Variants in STAT4 observed in about 807,000 individuals in gnomAD.
STAT4 encodes signal transducer and activator of transcription 4.
A neutral mutation model predicts 110.5 loss-of-function variants in STAT4; 42 were observed. The ratio of observed to expected loss-of-function variants is 0.38; its 90% CI spans 0.30 to 0.49. The LOEUF is 0.49. Among genes scored for constraint, STAT4 ranks in the 20% least tolerant of loss-of-function variants. The pLI is 0.95. For missense variants in STAT4, 632 were observed against 887.9 expected (o/e 0.71, Z 3.66); for synonymous variants, 284 against 302.2 (o/e 0.94, Z 0.63).
upstream of STAT4, chr2:191,151,096 T>TC (rs1281001496): frequency 1.0e-5 from 10 of 985,352 alleles, no homozygotes; most frequent in African/African-American, 3.5e-5. This position sits in a 1 kb window ranked among gnomAD's most constrained non-coding sequence, Gnocchi z 4.7. Context: ...GCGTCAGTGT[T>TC]CGAGTCTCTG....
At chr2:191,128,565 A>G (rs1311110518) in intron 3 of STAT4, among the ~76,000 whole-genome samples, 1 of 152,214 alleles carries the variant, frequency 6.6e-6, no homozygotes, top group Non-Finnish European at 1.5e-5. Context: ...ACTAAACAAG[A>G]AGGAACTCAC....
At position 191,066,754 on chromosome 2, in the gene STAT4, GTGTTT is replaced by G. The variant is rs111956440; in HGVS notation, c.545-244_545-240del. Among the ~76,000 whole-genome samples, 79 of 152,292 alleles carry G rather than the reference GTGTTT, an allele frequency of 5.2e-4. No homozygotes were observed. Among genetic ancestry groups the G allele is most frequent in the African/African-American group, 1.8e-3 (76 of 41,576 alleles). ...TTCAGGAAAAACCATTCTGCACTGG[GTGTTT>G]TGTTTTGTTTTGTTTTGGTGGTGGT... On this transcript the variant is annotated intron_variant, in intron 6 of 23. Coordinates refer to ENST00000392320, the MANE Select transcript of STAT4 (RefSeq NM_003151.4). The surrounding 1 kb of genome is among the most constrained non-coding windows in gnomAD (Gnocchi z 4.3).
At chr2:191,118,674 T>A (rs755140439) in intron 3 of STAT4, among the ~76,000 whole-genome samples, 39 of 152,218 alleles carry the variant, frequency 2.6e-4, no homozygotes, top group Non-Finnish European at 4.7e-4. Context: ...ACAATGATCT[T>A]TCTTGAATGT....
At position 191,100,000 on chromosome 2, in the gene STAT4, G is replaced by A. The variant is rs1408909142; in HGVS notation, c.274-23675C>T. On this transcript the variant is annotated intron_variant, in intron 3 of 23. Transcript: ENST00000392320. This position sits in a 1 kb window ranked among gnomAD's most constrained non-coding sequence, Gnocchi z 4.1. The stretch of plus-strand genomic sequence containing the variant: ...ATCATTTGACTTTTTACAAAGATTT[G>A]CATTATTTAAGCAATCAGAAAGAAA... 2.0e-5 allele frequency among the ~76,000 whole-genome samples: 3 copies of A among 151,802 alleles called. No individual in the cohort carries two copies. Among genetic ancestry groups the A allele is most frequent in the Non-Finnish European group, 4.4e-5 (3 of 67,974 alleles).
At chr2:191,065,341 T>A (rs1696959494) in intron 7 of STAT4, among the ~76,000 whole-genome samples, 1 of 152,204 alleles carries the variant, frequency 6.6e-6, no homozygotes, top group Admixed American at 6.5e-5. Flanking sequence ...ATGAGCTGAC[T>A]AAAATTTGAG....
rs749789837 is a variant in STAT4 at position 191,034,513 on chromosome 2, A to G, written c.1620+35T>C. On this transcript the variant is annotated intron_variant, in intron 18 of 23. Transcript: ENST00000392320. ...TAGAAAGGAACATTGTATTAAAAAA[A>G]TGTATCTAAATGATGTTTCCCCGAC... 5.1e-6 allele frequency: 8 copies of G among 1,553,950 alleles called. No homozygotes were observed. In the African/African-American group the frequency reaches 9.5e-5, roughly 18 times the overall value.
chr2:191,094,401 C>T (rs1697898759), intron 3 of STAT4, among the ~76,000 whole-genome samples: 1 of 152,198 alleles, frequency 6.6e-6, no homozygotes, highest in Non-Finnish European at 1.5e-5. Flanking sequence ...TCAGCAGAAA[C>T]TCTACAAGCC....
chr2:191,080,576 T>C (rs992081238), intron 3 of STAT4, among the ~76,000 whole-genome samples: 3 of 152,230 alleles, frequency 2.0e-5, no homozygotes, highest in Admixed American at 6.5e-5. Flanking sequence ...CCAGGACTCA[T>C]ATTTTTTCTA....
chr2:191,142,000 C>A (rs542708197), intron 3 of STAT4, among the ~76,000 whole-genome samples: 18 of 152,150 alleles, frequency 1.2e-4, no homozygotes, highest in African/African-American at 4.1e-4. Flanking sequence ...TAAATTAATA[C>A]AACCAGTATG....
intron 3 of STAT4, among the ~76,000 whole-genome samples, chr2:191,078,356 C>T (rs1444808611): frequency 6.6e-6 from 1 of 152,102 alleles, no homozygotes; most frequent in Non-Finnish European, 1.5e-5. Flanking sequence ...ACTTCTTCTA[C>T]CTTCCTTTTC....
In STAT4 at chr2:191,037,003, C is replaced by T. The variant is rs1206254165; in HGVS notation, c.1435-704G>A. ...ATAATATAATCAGGGCTCCATCTTT[C>T]TTCAGAAGCATCGCTTGACATCTCT... On this transcript the variant is annotated intron_variant, in intron 16 of 23. Transcript: ENST00000392320. This position sits in a 1 kb window ranked among gnomAD's most constrained non-coding sequence, Gnocchi z 4.8. Among the ~76,000 whole-genome samples the T allele has an allele frequency of 6.6e-6, 1 of 152,188 alleles. No individual in the cohort carries two copies. The highest frequency in any genetic ancestry group is 1.5e-5 in the Non-Finnish European group (1 of 68,030).
rs569828436 is a variant in STAT4 at position 191,067,084 on chromosome 2, C to T, written c.545-569G>A. Among the ~76,000 whole-genome samples the T allele has an allele frequency of 4.3e-4, 64 of 148,050 alleles. 1 individual carries two copies. The highest frequency in any genetic ancestry group is 7.4e-4 in the Non-Finnish European group (50 of 67,288). On this transcript the variant is annotated intron_variant, in intron 6 of 23. Transcript: ENST00000392320. ...CTTTTTTTTTTTTTCAAAATGCGCT[C>T]GCCTCATCGTAAAACTAGCAGTGGG... is the stretch of plus-strand genomic sequence containing the variant.
At chr2:191,137,222 A>G (rs1297383506) in intron 3 of STAT4, among the ~76,000 whole-genome samples, 1 of 152,096 alleles carries the variant, frequency 6.6e-6, no homozygotes, top group Non-Finnish European at 1.5e-5. Context: ...ACACGCCTGT[A>G]GTCCCAGCTA....
rs1367790552 is a variant in STAT4, at chr2:191,113,384, G to A, written c.273+33229C>T. On this transcript the variant is annotated intron_variant, in intron 3 of 23. Coordinates refer to ENST00000392320, the MANE Select transcript of STAT4 (RefSeq NM_003151.4). The surrounding 1 kb of genome is among the most constrained non-coding windows in gnomAD (Gnocchi z 4.8). The stretch of plus-strand genomic sequence containing the variant: ...TCCTTTGATCTTGAGAGCTCCAACA[G>A]GGTTATAGTTCAGAGCTTGGGACAC... Among the ~76,000 whole-genome samples, 2 of 152,212 alleles carry A rather than the reference G, an allele frequency of 1.3e-5. No individual in the cohort carries two copies. Among genetic ancestry groups the A allele is most frequent in the Admixed American group, 6.5e-5 (1 of 15,278 alleles).
chr2:191,087,750 A>C (rs897924866), intron 3 of STAT4, among the ~76,000 whole-genome samples: 6 of 152,186 alleles, frequency 3.9e-5, no homozygotes, highest in Non-Finnish European at 2.9e-5. Flanking sequence ...GGTGAAAAAA[A>C]CAAACCCACT....
chr2:191,118,486 T>C (rs896205230), intron 3 of STAT4, among the ~76,000 whole-genome samples: 1 of 152,176 alleles, frequency 6.6e-6, no homozygotes, highest in Non-Finnish European at 1.5e-5. Context: ...CTAGACATTG[T>C]TTTGTGTTTT....
In STAT4 at chr2:191,140,818, C is replaced by T. The variant is rs562699443; in HGVS notation, c.273+5795G>A. On this transcript the variant is annotated intron_variant, in intron 3 of 23. Coordinates refer to ENST00000392320, the MANE Select transcript of STAT4 (RefSeq NM_003151.4). The surrounding 1 kb of genome is among the most constrained non-coding windows in gnomAD (Gnocchi z 4.4). ...TTTATAGCAGTACAATTCACAATTG[C>T]AAAGATAAGGAACCAACCTAAGTGT... Among the ~76,000 whole-genome samples, 1 of 152,208 alleles carries T rather than the reference C, an allele frequency of 6.6e-6. No homozygotes were observed. The highest frequency in any genetic ancestry group is 2.1e-4 in the South Asian group (1 of 4,824).
chr2:191,141,246 T>A (rs1162080811), intron 3 of STAT4, among the ~76,000 whole-genome samples: 1 of 151,658 alleles, frequency 6.6e-6, no homozygotes, highest in Non-Finnish European at 1.5e-5. Flanking sequence ...ATAAAAAGAA[T>A]TTAAAAATTT....
intron 3 of STAT4, among the ~76,000 whole-genome samples, chr2:191,125,141 AC>A (rs1483603450): frequency 6.6e-6 from 1 of 152,228 alleles, no homozygotes; most frequent in Non-Finnish European, 1.5e-5. Flanking sequence ...AATAATGGAA[AC>A]CTGGTAAGCT....
Sources: gnomAD v4.1 joint callset for allele counts (sites outside exome capture counted in the v4.1 genomes callset) on GRCh38, gnomAD v4.1.1 for gene constraint, Gnocchi (gnomAD v3.1) non-coding constraint, MANE v1.5 for transcripts, NCBI Gene and HGNC (gene_info 2026-07-23, HGNC 2026-07-21) for gene names.